The following SECISBP2L variants were observed in gnomAD, a reference collection of about 807,000 sequenced individuals.
The protein encoded by SECISBP2L is selenocysteine insertion sequence-binding protein 2-like.
A neutral mutation model predicts 114.7 loss-of-function variants in SECISBP2L; 43 were observed. That is an observed-to-expected ratio of 0.38 (90% CI 0.29 to 0.48). The LOEUF is 0.48. Among genes scored for constraint, SECISBP2L ranks in the 20% least tolerant of loss-of-function variants. SECISBP2L has a pLI of 0.98. For synonymous variants in SECISBP2L, 451 were observed against 439.7 expected (o/e 1.03, Z -0.32); for missense variants, 1,136 against 1,301.1 (o/e 0.87, Z 1.95).
chr15:49,005,184 G>C (rs543017137), intron 14 of SECISBP2L, among the ~76,000 whole-genome samples: 1 of 152,234 alleles, frequency 6.6e-6, no homozygotes, highest in Non-Finnish European at 1.5e-5. Flanking sequence ...ACAAAAATTA[G>C]CCAGGCATGG....
In SECISBP2L at chr15:49,017,562, G is replaced by C; in HGVS notation, c.1237C>G (p.Leu413Val). 1 of 1,602,002 alleles carries C rather than the reference G, an allele frequency of 6.2e-7. No individual in the cohort carries two copies. The highest frequency in any genetic ancestry group is 8.5e-7 in the Non-Finnish European group (1 of 1,173,292). Reference sequence around the variant, plus strand: ...GAGTTACTTACTACTTTAGAAGAAAGTTTTTGTTGAATATTCTCATCCTTA... The same window carrying C: ...GAGTTACTTACTACTTTAGAAGAAACTTTTTGTTGAATATTCTCATCCTTA... ...NAKDENIQQK[L>V]SSKVLDDLPE... is the part of the protein sequence containing the mutation. The change falls in exon 9 of 18, where the codon CTT (leucine) becomes GTT (valine). Residue 413 changes from leucine to valine, a missense_variant. Physicochemically the swap from Leu to Val is conservative, Grantham distance 32 (BLOSUM62 1). Coordinates refer to ENST00000559471, the MANE Select transcript of SECISBP2L (RefSeq NM_001193489.2).
intron 7 of SECISBP2L, among the ~76,000 whole-genome samples, chr15:49,026,227 G>A (rs1902739474): frequency 6.6e-6 from 1 of 152,180 alleles, no homozygotes; most frequent in African/African-American, 2.4e-5. Flanking sequence ...GGGAAGGGTT[G>A]AGGGAGAGGG....
intron 11 of SECISBP2L, chr15:49,013,264 A>C (rs1256891505): frequency 6.6e-6 from 1 of 151,908 alleles, no homozygotes; most frequent in African/African-American, 2.4e-5. Context: ...ACTCAGCTGC[A>C]CTCAGCCTCA....
chr15:49,015,838 A>G (rs1365904491), intron 11 of SECISBP2L, among the ~76,000 whole-genome samples: 1 of 152,212 alleles, frequency 6.6e-6, no homozygotes, highest in African/African-American at 2.4e-5. Context: ...AAAGAAAAAA[A>G]TTTGGGTGAG....
rs1256891674 is a variant in SECISBP2L, at chr15:48,992,906, C to T, written c.2644G>A (p.Val882Met). The T allele has an allele frequency of 8.1e-6, 13 of 1,611,672 alleles. No individual in the cohort carries two copies. The highest frequency in any genetic ancestry group is 1.7e-5 in the Admixed American group (1 of 59,790). Residue 882 changes from valine to methionine, a missense_variant, in exon 18 of 18, where the codon GTG becomes ATG. Physicochemically the swap from Val to Met is conservative, Grantham distance 21. Coordinates refer to ENST00000559471, the MANE Select transcript of SECISBP2L (RefSeq NM_001193489.2). ...GCTTCCAGTCCATCTGAAGTTTCCA[C>T]CATGTTTCTCCAATTTGTTTCTACA... The part of the protein sequence containing the change: ...KEYETNWRNM[V>M]ETSDGLEASE...
intron 9 of SECISBP2L, 54 bp from the exon 10 acceptor site, chr15:49,017,069 A>T (rs1199672942): frequency 6.4e-6 from 10 of 1,559,664 alleles, no homozygotes; most frequent in Non-Finnish European, 7.9e-6. Flanking sequence ...AGTCAATCAT[A>T]AGGAAAAAGG....
chr15:49,011,539 T>A, intron 13 of SECISBP2L, 192 bp downstream of exon 13: 1 of 604,438 alleles, frequency 1.7e-6, no homozygotes, highest in East Asian at 2.8e-5. Context: ...TACTATATAA[T>A]ACCTGTCCCC....
intron 1 of SECISBP2L, among the ~76,000 whole-genome samples, chr15:49,040,655 C>T (rs541278146): frequency 6.7e-6 from 1 of 149,308 alleles, no homozygotes; most frequent in South Asian, 2.1e-4. Flanking sequence ...CCTGCCTCAG[C>T]CTCCCGAGTA....
At chr15:49,017,432 C>T (rs1227430642) in intron 9 of SECISBP2L, 116 bp downstream of exon 9, 1 of 684,158 alleles carries the variant, frequency 1.5e-6, no homozygotes, top group East Asian at 2.8e-5. Context: ...TAAACACCAT[C>T]TCCTGCACAC....
Position 48,992,096 on chromosome 15 carries a change from A to G in SECISBP2L, c.*148T>C. The G allele has an allele frequency of 1.4e-6, 1 of 708,310 alleles. No individual in the cohort carries two copies. Among genetic ancestry groups the G allele is most frequent in the East Asian group, 2.7e-5 (1 of 36,606 alleles). The allele number at this position is 708,310 out of a possible 1,614,324, so 43.9% of individuals were successfully genotyped here. ...ATACTAATTAAAAGCTAAGCTACAG[A>G]TCATAACAAGTAAAAGCTACAAAAA... is the stretch of plus-strand genomic sequence containing the variant. On this transcript the variant is annotated 3_prime_UTR_variant, in exon 18 of 18. Coordinates refer to ENST00000559471, the MANE Select transcript of SECISBP2L (RefSeq NM_001193489.2).
At chr15:49,044,995 G>T (rs1903212926) in intron 1 of SECISBP2L, among the ~76,000 whole-genome samples, 1 of 152,090 alleles carries the variant, frequency 6.6e-6, no homozygotes. Context: ...AGGTATTTAT[G>T]ATAGATACCT....
At position 49,019,582 on chromosome 15, in the gene SECISBP2L, CTAAT is replaced by C. The variant is rs989824660; in HGVS notation, c.1036-34_1036-31del. ...GTAAACCCCAGAGGGGAAAAAAAATCTAATTATTTTTAAATAAATGTTTCACTCA... is the reference window on the plus strand; with the variant it reads ...GTAAACCCCAGAGGGGAAAAAAAATCTATTTTTAAATAAATGTTTCACTCA... On this transcript the variant is annotated intron_variant, in intron 7 of 17. Coordinates refer to ENST00000559471, the MANE Select transcript of SECISBP2L (RefSeq NM_001193489.2). The C allele has an allele frequency of 2.8e-6, 4 of 1,421,756 alleles. No homozygotes were observed. In the African/African-American group the frequency reaches 4.4e-5, roughly 16 times the overall value. The allele number at this position is 1,421,756 out of a possible 1,614,324, so 88.1% of individuals were successfully genotyped here.
rs112017000 is a variant in SECISBP2L at position 49,010,724 on chromosome 15, C to T, written c.1864+1007G>A. 2.0e-3 allele frequency among the ~76,000 whole-genome samples: 312 copies of T among 152,250 alleles called. 1 individual carries two copies. Among genetic ancestry groups the T allele is most frequent in the South Asian group, 0.017 (81 of 4,816 alleles). On this transcript the variant is annotated intron_variant, in intron 13 of 17. Coordinates refer to ENST00000559471, the MANE Select transcript of SECISBP2L (RefSeq NM_001193489.2). ...ACAGGGTTTTGCCTTGTTGTCCAGG[C>T]TGGTCTCAAACTCCTGAGCTCAAGT...
chr15:49,045,202 G>T (rs1320097986), intron 1 of SECISBP2L, among the ~76,000 whole-genome samples: 1 of 151,830 alleles, frequency 6.6e-6, no homozygotes, highest in African/African-American at 2.4e-5. Context: ...AAAGTCTTCT[G>T]TAAAAACAAG....
At chr15:49,001,459 C>CTT (rs35210250) in intron 14 of SECISBP2L, among the ~76,000 whole-genome samples, 17 of 144,528 alleles carry the variant, frequency 1.2e-4, no homozygotes, top group African/African-American at 2.5e-4. Flanking sequence ...ACATCGTATT[C>CTT]TTTTTTTTTT....
chr15:49,046,225 A>T, intron 1 of SECISBP2L, 51 bp downstream of exon 1: 1 of 1,562,594 alleles, frequency 6.4e-7, no homozygotes, highest in Non-Finnish European at 8.6e-7. Flanking sequence ...GCCTGTGAGG[A>T]AGCGGCGACC....
intron 14 of SECISBP2L, among the ~76,000 whole-genome samples, chr15:49,008,828 A>C (rs796485289): frequency 6.6e-6 from 1 of 152,204 alleles, no homozygotes; most frequent in South Asian, 2.1e-4. Flanking sequence ...ACTTCATATA[A>C]TAGGGTCTTA....
At chr15:49,000,125 C>G in intron 15 of SECISBP2L, 138 bp from the exon 16 acceptor site, 1 of 767,336 alleles carries the variant, frequency 1.3e-6, no homozygotes, top group Non-Finnish European at 2.0e-6. Flanking sequence ...TACACATTAT[C>G]CTATTTAATT....
intron 17 of SECISBP2L, 151 bp downstream of exon 17, chr15:48,996,216 T>C: frequency 1.4e-6 from 1 of 699,872 alleles, no homozygotes; most frequent in Non-Finnish European, 2.3e-6. Flanking sequence ...TCTCCTGATT[T>C]TTAATGAACA....
Sources: allele counts gnomAD v4.1 joint callset (sites outside exome capture counted in the v4.1 genomes callset), GRCh38; gene constraint gnomAD v4.1.1; transcripts MANE v1.5; gene names NCBI Gene and HGNC (gene_info 2026-07-23, HGNC 2026-07-21).